The following CIMIP4 variants were observed in gnomAD, a reference collection of about 807,000 sequenced individuals.
The protein encoded by CIMIP4 is protein EAN57.
chr22:36,991,848 G>A, the CIMIP4 span, among the ~76,000 whole-genome samples: 1 of 151,936 alleles, frequency 6.6e-6, no homozygotes, highest in East Asian at 1.9e-4. Flanking sequence ...TTTTTTGCAT[G>A]GTTGGAAAGA....
At chr22:36,993,686 G>A in the CIMIP4 span, among the ~76,000 whole-genome samples, 1 of 151,464 alleles carries the variant, frequency 6.6e-6, no homozygotes, top group Non-Finnish European at 1.5e-5. Context: ...CTGAGAGCGC[G>A]CCACTGCACT....
chr22:37,001,852 C>T, the CIMIP4 span: 1 of 1,593,584 alleles, frequency 6.3e-7, no homozygotes, highest in East Asian at 2.3e-5. Context: ...CCTCGGAGAC[C>T]AGCTGGTCCA....
At chr22:37,007,439 G>C in the CIMIP4 span, 2 of 152,190 alleles carry the variant, frequency 1.3e-5, no homozygotes, top group African/African-American at 4.8e-5. Context: ...TTAGCTCCAA[G>C]TTTTCTTTCT....
At chr22:37,004,533 G>A in the CIMIP4 span, among the ~76,000 whole-genome samples, 3 of 152,180 alleles carry the variant, frequency 2.0e-5, no homozygotes, top group Admixed American at 6.5e-5. Flanking sequence ...GGGAAGGGAA[G>A]CAGCTTAGCC....
At chr22:37,003,990 C>A in the CIMIP4 span, 2 of 1,549,856 alleles carry the variant, frequency 1.3e-6, no homozygotes, top group Non-Finnish European at 1.7e-6. Context: ...AGCTCCATAG[C>A]CTCTTGCTGT....
the CIMIP4 span, among the ~76,000 whole-genome samples, chr22:36,993,478 A>C: frequency 6.6e-6 from 1 of 152,060 alleles, no homozygotes; most frequent in Non-Finnish European, 1.5e-5. Flanking sequence ...AGCTGATGTA[A>C]ATCCAAAAAG....
the CIMIP4 span, among the ~76,000 whole-genome samples, chr22:36,991,939 A>C: frequency 5.3e-5 from 8 of 152,228 alleles, no homozygotes; most frequent in Non-Finnish European, 1.2e-4. Context: ...CTCTGTTTTC[A>C]AAATTCAAAC....
chr22:36,994,129 A>T, the CIMIP4 span, among the ~76,000 whole-genome samples: 1 of 152,216 alleles, frequency 6.6e-6, no homozygotes, highest in Non-Finnish European at 1.5e-5. Context: ...AGATAAGGCA[A>T]AATTGACAGA....
At chr22:37,003,844 G>A in the CIMIP4 span, 1 of 965,910 alleles carries the variant, frequency 1.0e-6, no homozygotes, top group Admixed American at 3.5e-5. Flanking sequence ...TGGGCCGATG[G>A]TGGGTCTGGA....
At chr22:36,995,856 G>A in the CIMIP4 span, among the ~76,000 whole-genome samples, 3 of 152,164 alleles carry the variant, frequency 2.0e-5, no homozygotes, top group Admixed American at 2.0e-4. Context: ...CCAGTCTCAG[G>A]TATGTTTTTA....
At chr22:36,995,100 A>G in the CIMIP4 span, among the ~76,000 whole-genome samples, 7 of 152,224 alleles carry the variant, frequency 4.6e-5, no homozygotes, top group Admixed American at 4.6e-4. Flanking sequence ...CAAGAGAGCA[A>G]ACCAAGAAAG....
At chr22:37,005,429 T>C in the CIMIP4 span, among the ~76,000 whole-genome samples, 3 of 152,222 alleles carry the variant, frequency 2.0e-5, no homozygotes, top group Non-Finnish European at 4.4e-5. Flanking sequence ...ATTTTGGTAC[T>C]AACAGTGGGG....
the CIMIP4 span, among the ~76,000 whole-genome samples, chr22:36,992,166 G>GT: frequency 2.0e-5 from 3 of 152,112 alleles, no homozygotes; most frequent in African/African-American, 7.2e-5. Context: ...GACCAACATG[G>GT]TGAAACCCCG....
the CIMIP4 span, among the ~76,000 whole-genome samples, chr22:36,996,374 G>A: frequency 1.1e-4 from 17 of 151,830 alleles, no homozygotes; most frequent in South Asian, 3.1e-3. Context: ...TTGCATTTGT[G>A]TATACGGTAT....
chr22:36,999,989 G>A, the CIMIP4 span: 1 of 1,604,476 alleles, frequency 6.2e-7, no homozygotes, highest in Non-Finnish European at 8.5e-7. Flanking sequence ...TTGAGCCTGA[G>A]CAGGGAGGCA....
the CIMIP4 span, among the ~76,000 whole-genome samples, chr22:36,994,948 G>A: frequency 7.2e-5 from 11 of 152,212 alleles, no homozygotes; most frequent in Admixed American, 1.3e-4. Context: ...TTATTCTTAA[G>A]CACACACAGA....
chr22:37,002,323 A>T, the CIMIP4 span: 1 of 1,116,514 alleles, frequency 9.0e-7, no homozygotes, highest in Middle Eastern at 3.0e-4. Context: ...ACAAAGAGAA[A>T]CAGAGGGGGA....
the CIMIP4 span, chr22:37,000,090 C>G: frequency 5.0e-6 from 7 of 1,409,734 alleles, no homozygotes; most frequent in Non-Finnish European, 6.6e-6. Context: ...CCACCCCGAT[C>G]CCACCTGTAG....
At chr22:36,991,343 C>T in the CIMIP4 span, 4 of 1,579,468 alleles carry the variant, frequency 2.5e-6, no homozygotes, top group South Asian at 4.4e-5. Flanking sequence ...TTGCCCAGAC[C>T]CCAGGGATGA....
Sources: allele counts gnomAD v4.1 joint callset (sites outside exome capture counted in the v4.1 genomes callset), GRCh38; gene constraint gnomAD v4.1.1; transcripts MANE v1.5; gene names NCBI Gene and HGNC (gene_info 2026-07-23, HGNC 2026-07-21).